Variants in ABCF3 observed in about 807,000 individuals in gnomAD.
ABCF3 encodes the protein ATP binding cassette subfamily F member 3.
ABCF3 carries 62 observed loss-of-function variants against 94.3 expected under a neutral mutation model. The observed-to-expected ratio is 0.66, with a 90% confidence interval of 0.54 to 0.81. ABCF3 has a LOEUF of 0.81. Among genes scored for constraint, ABCF3 ranks in the 40% least tolerant of loss-of-function variants. The pLI is 0.00. For missense variants in ABCF3, 843 were observed against 925.3 expected (o/e 0.91, Z 1.15); for synonymous variants, 355 against 361.1 (o/e 0.98, Z 0.19).
chr3:184,188,025 A>C (rs768706872), intron 6 of ABCF3, 42 bp downstream of exon 6: 1 of 1,613,462 alleles, frequency 6.2e-7, no homozygotes. Flanking sequence ...TCTTTTTCTA[A>C]TTAGAGGACA....
rs368125101 is a variant in ABCF3, at chr3:184,186,892, G to A, written c.301+17G>A. ...AGAACTACGGTGAGAGTGAGGGGAG[G>A]TTGAACTAACTGCCCCCCTGTGCTT... On this transcript the variant is annotated intron_variant, in intron 3 of 20. Coordinates refer to ENST00000429586, the MANE Select transcript of ABCF3 (RefSeq NM_018358.3). The A allele has an allele frequency of 6.2e-7, 1 of 1,610,502 alleles. No homozygotes were observed. The highest frequency in any genetic ancestry group is 8.5e-7 in the Non-Finnish European group (1 of 1,178,230).
chr3:184,189,977 T>G, intron 14 of ABCF3, 46 bp downstream of exon 14: 1 of 1,603,360 alleles, frequency 6.2e-7, no homozygotes, highest in Non-Finnish European at 8.5e-7. Flanking sequence ...GTTCTCTTCG[T>G]CTCCTTCCGC....
Position 184,188,858 on chromosome 3 carries a change from C to T in ABCF3, c.917+17C>T. ...ACCTGCCAGGTATTTAAAGCTCCCC[C>T]TCCCTCCTTCAGATTTCCTTTCCCT... On this transcript the variant is annotated intron_variant, in intron 8 of 20. Coordinates refer to ENST00000429586, the MANE Select transcript of ABCF3 (RefSeq NM_018358.3). The T allele has an allele frequency of 1.2e-6, 2 of 1,614,088 alleles. No individual in the cohort carries two copies. Among genetic ancestry groups the T allele is most frequent in the Non-Finnish European group, 1.7e-6 (2 of 1,179,976 alleles).
Position 184,191,164 on chromosome 3 carries a change from A to C in ABCF3, c.1478A>C (p.Gln493Pro), listed in dbSNP as rs1280210191. ...GAGAAGTTCTCGCCGCCAATTCTGC[A>C]GCTAGATGAGGTGGATTTCTACTAC... The part of the protein sequence containing the change: ...GFEKFSPPIL[Q>P]LDEVDFYYDP... The change falls in exon 16 of 21, where the codon CAG (glutamine) becomes CCG (proline). Residue 493 changes from glutamine to proline, a missense_variant. Gln to Pro is a moderately conservative substitution (Grantham distance 76). Coordinates refer to ENST00000429586, the MANE Select transcript of ABCF3 (RefSeq NM_018358.3). 1.2e-6 allele frequency: 2 copies of C among 1,614,072 alleles called. No homozygotes were observed. The highest frequency in any genetic ancestry group is 1.7e-6 in the Non-Finnish European group (2 of 1,180,044).
Position 184,186,300 on chromosome 3 carries a change from C to T in ABCF3, c.73+20C>T. 1 of 1,613,960 alleles carries T rather than the reference C, an allele frequency of 6.2e-7. No homozygotes were observed. Among genetic ancestry groups the T allele is most frequent in the Non-Finnish European group, 8.5e-7 (1 of 1,179,844 alleles). On this transcript the variant is annotated intron_variant, in intron 1 of 20. Transcript: ENST00000429586. The stretch of plus-strand genomic sequence containing the variant: ...TGACCGGTAAGCAGAACTGAATCGG[C>T]CGGCTGGGGAGACCGAAGTGGAGGC...
intron 14 of ABCF3, 109 bp from the exon 15 acceptor site, chr3:184,190,890 G>A: frequency 8.0e-7 from 1 of 1,257,126 alleles, no homozygotes; most frequent in South Asian, 1.4e-5. Flanking sequence ...AATGATACCT[G>A]AGTGGTAGGA....
chr3:184,186,900 A>C, intron 3 of ABCF3, 25 bp downstream of exon 3: 1 of 1,607,334 alleles, frequency 6.2e-7, no homozygotes. Context: ...AGGTTGAACT[A>C]ACTGCCCCCC....
chr3:184,188,687 C>G, intron 7 of ABCF3, 74 bp from the exon 8 acceptor site: 1 of 1,479,976 alleles, frequency 6.8e-7, no homozygotes, highest in African/African-American at 1.4e-5. Context: ...AATGGCCTTT[C>G]CAACGGTATA....
Position 184,189,715 on chromosome 3 carries a change from G to C in ABCF3, c.1272G>C (p.Gln424His). 6.2e-7 allele frequency: 1 copy of C among 1,614,072 alleles called. No individual in the cohort carries two copies. The highest frequency in any genetic ancestry group is 8.5e-7 in the Non-Finnish European group (1 of 1,180,016). Residue 424 changes from glutamine (Q) to histidine (H), a missense_variant, in exon 13 of 21, where the codon CAG becomes CAC. Transcript: ENST00000429586. ...KSKQERLLNQQREYEAQQQYR... is the reference protein window; with the variant it reads ...KSKQERLLNQHREYEAQQQYR... Reference sequence around the variant, plus strand: ...AGCAGGAGCGGCTGCTCAACCAGCAGCGTGAATATGAGGCGCAGCAGCAGT... The same window carrying C: ...AGCAGGAGCGGCTGCTCAACCAGCACCGTGAATATGAGGCGCAGCAGCAGT...
Position 184,186,529 on chromosome 3 carries a change from G to C in ABCF3, c.96G>C (p.Ala32=). ...YVTGVLHSGS[A]DFESVDDLVE... is the part of the protein sequence containing the mutation. ...CAGGCGTCTTGCACAGCGGCAGCGC[G>C]GACTTCGAGTCTGTGGATGACCTGG... Residue 32 remains alanine, a synonymous_variant, in exon 2 of 21, where the codon GCG becomes GCC. Coordinates refer to ENST00000429586, the MANE Select transcript of ABCF3 (RefSeq NM_018358.3). The C allele has an allele frequency of 1.9e-6, 3 of 1,613,020 alleles. No homozygotes were observed. The highest frequency in any genetic ancestry group is 2.5e-6 in the Non-Finnish European group (3 of 1,179,394).
At position 184,193,314 on chromosome 3, in the gene ABCF3, T is replaced by G. The variant is rs1308446244; in HGVS notation, c.1884-51T>G. On this transcript the variant is annotated intron_variant, in intron 19 of 20. Transcript: ENST00000429586. This position sits in a 1 kb window ranked among gnomAD's most constrained non-coding sequence, Gnocchi z 5.2. ...AGAAAACTGTATCAGAAGGCTTTAT[T>G]TTCTCTCACCGCACCCCTTCACTGC... The G allele has an allele frequency of 1.9e-6, 3 of 1,613,112 alleles. No homozygotes were observed. Among genetic ancestry groups the G allele is most frequent in the Non-Finnish European group, 2.5e-6 (3 of 1,179,574 alleles).
At chr3:184,188,598 C>G in intron 7 of ABCF3, 163 bp from the exon 8 acceptor site, 2 of 1,011,588 alleles carry the variant, frequency 2.0e-6, no homozygotes, top group Non-Finnish European at 2.8e-6. Flanking sequence ...CCACAGTGCC[C>G]ATTTCCATAG....
In ABCF3 at chr3:184,188,358, G is replaced by T. The variant is rs537433591; in HGVS notation, c.787G>T (p.Asp263Tyr). 29 of 1,613,466 alleles carry T rather than the reference G, an allele frequency of 1.8e-5. No individual in the cohort carries two copies. The highest frequency in any genetic ancestry group is 3.4e-6 in the Non-Finnish European group (4 of 1,179,912). Residue 263 changes from aspartate to tyrosine, a missense_variant, in exon 7 of 21, where the codon GAT becomes TAT. By Grantham distance (160) the Asp-to-Tyr change is radical. Coordinates refer to ENST00000429586, the MANE Select transcript of ABCF3 (RefSeq NM_018358.3). Reference protein sequence around the residue: ...SVLESDSVREDLLRRERELTA... With the variant: ...SVLESDSVREYLLRRERELTA... ...GCTGGAGAGTGACAGTGTGCGAGAG[G>T]ATTTGCTACGGAGGGAGCGGGAGCT...
intron 5 of ABCF3, 23 bp from the exon 6 acceptor site, chr3:184,187,838 G>T (rs139349010): frequency 6.4e-5 from 103 of 1,614,128 alleles, no homozygotes; most frequent in Non-Finnish European, 8.1e-5. Context: ...AGCACTAAGA[G>T]CTGTCCATTT....
Position 184,186,308 on chromosome 3 carries a change from G to C in ABCF3, c.73+28G>C, listed in dbSNP as rs187103222. 2.6e-4 allele frequency: 423 copies of C among 1,613,834 alleles called. No individual in the cohort carries two copies. In the African/African-American group the frequency reaches 4.9e-3, roughly 19 times the overall value. On this transcript the variant is annotated intron_variant, in intron 1 of 20. Coordinates refer to ENST00000429586, the MANE Select transcript of ABCF3 (RefSeq NM_018358.3). ...AAGCAGAACTGAATCGGCCGGCTGG[G>C]GAGACCGAAGTGGAGGCCGGGGGAA... is the stretch of plus-strand genomic sequence containing the variant.
chr3:184,189,693 A>G lies in ABCF3; in HGVS notation c.1250A>G (p.Gln417Arg). The change falls in exon 13 of 21, where the codon CAG becomes CGG. Residue 417 changes from glutamine to arginine, a missense_variant. Coordinates refer to ENST00000429586, the MANE Select transcript of ABCF3 (RefSeq NM_018358.3). ...TTTGAGACCTTCATCAAGAGTAAGC[A>G]GGAGCGGCTGCTCAACCAGCAGCGT... The part of the protein sequence containing the change: ...GDFETFIKSK[Q>R]ERLLNQQREY... 6.2e-7 allele frequency: 1 copy of G among 1,614,144 alleles called. No individual in the cohort carries two copies. Among genetic ancestry groups the G allele is most frequent in the Non-Finnish European group, 8.5e-7 (1 of 1,180,022 alleles).
At position 184,193,285 on chromosome 3, in the gene ABCF3, CA is replaced by C. The variant is rs1716145471; in HGVS notation, c.1883+52del. 2 of 1,604,624 alleles carry C rather than the reference CA, an allele frequency of 1.2e-6. No individual in the cohort carries two copies. Among genetic ancestry groups the C allele is most frequent in the Non-Finnish European group, 8.5e-7 (1 of 1,174,888 alleles). On this transcript the variant is annotated intron_variant, in intron 19 of 20. Coordinates refer to ENST00000429586, the MANE Select transcript of ABCF3 (RefSeq NM_018358.3). The surrounding 1 kb of genome is among the most constrained non-coding windows in gnomAD (Gnocchi z 5.2). ...TCCCCTCCCATTTCCCCTTCTTGCC[CA>C]GTAGAAAACTGTATCAGAAGGCTTT...
intron 9 of ABCF3, 42 bp from the exon 10 acceptor site, chr3:184,189,046 C>T (rs374209849): frequency 1.2e-6 from 2 of 1,614,212 alleles, no homozygotes; most frequent in Non-Finnish European, 1.7e-6. Flanking sequence ...CCTTCCTGCC[C>T]TGATGAACAC....
At position 184,188,998 on chromosome 3, in the gene ABCF3, C is replaced by G. The variant is rs1169337611; in HGVS notation, c.977+10C>G. 4.3e-6 allele frequency: 7 copies of G among 1,614,098 alleles called. No individual in the cohort carries two copies. In the African/African-American group the frequency reaches 8.0e-5, roughly 18 times the overall value. Reference sequence around the variant, plus strand: ...AGCAGCAGCCCACCCGGTGAGTGACCCTTGCCATTCTTGGCTTTGAACCCT... The same window carrying G: ...AGCAGCAGCCCACCCGGTGAGTGACGCTTGCCATTCTTGGCTTTGAACCCT... On this transcript the variant is annotated intron_variant, in intron 9 of 20. Coordinates refer to ENST00000429586, the MANE Select transcript of ABCF3 (RefSeq NM_018358.3).
Sources: allele counts gnomAD v4.1 joint callset, GRCh38; gene constraint gnomAD v4.1.1; non-coding constraint Gnocchi (gnomAD v3.1); transcripts MANE v1.5; gene names NCBI Gene and HGNC (gene_info 2026-07-23, HGNC 2026-07-21).